VSNL1: variants seen among roughly 807,000 people sequenced by gnomAD.
The protein encoded by VSNL1 is visinin-like protein 1.
In VSNL1, 6 loss-of-function variants were observed where a neutral mutation model predicts 20.4. The observed-to-expected ratio is 0.29, with a 90% CI of 0.16 to 0.58. VSNL1 has a LOEUF of 0.58. Ranked by LOEUF, VSNL1 falls within the 20% of genes least tolerant of loss-of-function variation. The probability of loss-of-function intolerance (pLI) is 0.90; values close to 1 mark genes in which losing one functional copy is unlikely to be tolerated. For missense variants in VSNL1, 100 were observed against 234.5 expected (o/e 0.43, Z 3.75); for synonymous variants, 93 against 86.4 (o/e 1.08, Z -0.42).
chr2:17,619,307 G>C (rs997270636), intron 2 of VSNL1, among the ~76,000 whole-genome samples: 1 of 152,120 alleles, frequency 6.6e-6, no homozygotes, highest in African/African-American at 2.4e-5. Context: ...TGGAGGCCTG[G>C]GTATAGGTAG....
intron 2 of VSNL1, among the ~76,000 whole-genome samples, chr2:17,639,062 G>A (rs985245127): frequency 5.3e-5 from 8 of 152,114 alleles, no homozygotes; most frequent in South Asian, 2.1e-4. Context: ...CCAGATTCCC[G>A]CAGGGATCTA....
At chr2:17,574,105 C>G (rs1664145616) in intron 1 of VSNL1, among the ~76,000 whole-genome samples, 1 of 152,158 alleles carries the variant, frequency 6.6e-6, no homozygotes, top group Admixed American at 6.6e-5. Context: ...CCATTGACTT[C>G]AAGTTTCGAA....
intron 1 of VSNL1, among the ~76,000 whole-genome samples, chr2:17,589,877 G>T (rs1000335774): frequency 2.6e-5 from 4 of 152,166 alleles, no homozygotes; most frequent in African/African-American, 9.7e-5. Flanking sequence ...AAGGCAGCCA[G>T]GCTGGCAAAG....
chr2:17,544,938 T>A (rs1177580947), intron 1 of VSNL1, among the ~76,000 whole-genome samples: 1 of 152,196 alleles, frequency 6.6e-6, no homozygotes, highest in Non-Finnish European at 1.5e-5. Context: ...ACATATGAGC[T>A]GGACAAGATC....
At chr2:17,621,799 T>G (rs1266432327) in intron 2 of VSNL1, among the ~76,000 whole-genome samples, 2 of 152,130 alleles carry the variant, frequency 1.3e-5, no homozygotes, top group East Asian at 3.9e-4. Flanking sequence ...GGCTAATTTT[T>G]TTGTTGTTGT....
intron 1 of VSNL1, among the ~76,000 whole-genome samples, chr2:17,559,694 A>C (rs1190072417): frequency 6.6e-6 from 1 of 152,202 alleles, no homozygotes; most frequent in Non-Finnish European, 1.5e-5. Flanking sequence ...AAGAATTTTA[A>C]AGTAATTTAA....
intron 2 of VSNL1, among the ~76,000 whole-genome samples, chr2:17,631,370 A>G (rs1169884187): frequency 1.3e-5 from 2 of 152,238 alleles, no homozygotes; most frequent in African/African-American, 4.8e-5. Flanking sequence ...GATTTTTCCA[A>G]AGGATATAAA....
chr2:17,655,348 G>A lies in VSNL1; in HGVS notation c.530G>A (p.Ser177Asn). ...GATGAATTCAAAGAAGCTGCAAAGA[G>A]CGACCCTTCCATTGTATTACTTCTG... ...TLDEFKEAAK[S>N]DPSIVLLLQC... The change falls in exon 4 of 4, where the codon AGC (serine) becomes AAC (asparagine). Residue 177 changes from serine (S) to asparagine (N), a missense_variant. By Grantham distance (46) the Ser-to-Asn change is conservative. Coordinates refer to ENST00000295156, the MANE Select transcript of VSNL1 (RefSeq NM_003385.5). The surrounding 1 kb of genome is among the most constrained non-coding windows in gnomAD (Gnocchi z 5.2). 4 of 1,614,032 alleles carry A rather than the reference G, an allele frequency of 2.5e-6. No homozygotes were observed. The South Asian group carries it at 3.3e-5, about 13-fold the overall frequency.
chr2:17,576,792 A>G (rs1263085939), intron 1 of VSNL1, among the ~76,000 whole-genome samples: 6 of 152,156 alleles, frequency 3.9e-5, no homozygotes, highest in Non-Finnish European at 8.8e-5. Flanking sequence ...TCTTGACCTT[A>G]ATAATCAGGT....
intron 1 of VSNL1, among the ~76,000 whole-genome samples, chr2:17,589,162 TG>T (rs960217326): frequency 1.3e-5 from 2 of 151,746 alleles, no homozygotes; most frequent in South Asian, 2.1e-4. Context: ...GAGCAGAAAA[TG>T]GGGGGAAGTC....
At chr2:17,564,570 CTT>C (rs1210330079) in intron 1 of VSNL1, among the ~76,000 whole-genome samples, 2 of 151,710 alleles carry the variant, frequency 1.3e-5, no homozygotes, top group Admixed American at 6.6e-5. Context: ...CCCCTTCCAA[CTT>C]TGTTTTTTTT....
At chr2:17,587,384 C>G (rs924768500) in intron 1 of VSNL1, among the ~76,000 whole-genome samples, 170 of 151,220 alleles carry the variant, frequency 1.1e-3, no homozygotes, top group Non-Finnish European at 2.3e-3. Flanking sequence ...CACACACACA[C>G]ACACACACAC....
chr2:17,636,348 C>T (rs1665746548), intron 2 of VSNL1, among the ~76,000 whole-genome samples: 2 of 152,140 alleles, frequency 1.3e-5, no homozygotes, highest in African/African-American at 4.8e-5. Flanking sequence ...TGCTCAGAGG[C>T]TTATGGTTTT....
intron 1 of VSNL1, among the ~76,000 whole-genome samples, chr2:17,558,901 C>T (rs922743390): frequency 2.6e-5 from 4 of 152,006 alleles, no homozygotes; most frequent in African/African-American, 9.7e-5. Flanking sequence ...GATAGATGAT[C>T]CCAGATAACA....
intron 2 of VSNL1, among the ~76,000 whole-genome samples, chr2:17,646,932 G>A (rs1263851462): frequency 6.6e-6 from 1 of 152,122 alleles, no homozygotes; most frequent in East Asian, 1.9e-4. Context: ...TAAGGAGCAT[G>A]TCCCTAGTTA....
Position 17,560,719 on chromosome 2 carries a change from A to G in VSNL1, c.-6+19801A>G, listed in dbSNP as rs114937608. On this transcript the variant is annotated intron_variant, in intron 1 of 3. Transcript: ENST00000295156. ...GTGGGAAATAAGCAATCAAGAAGCT[A>G]TAAAATAATAGGGATATTTGACTCC... 3.7e-3 allele frequency among the ~76,000 whole-genome samples: 562 copies of G among 152,328 alleles called. 1 individual carries two copies. The highest frequency in any genetic ancestry group is 0.014 in the Middle Eastern group (4 of 294).
At chr2:17,548,489 T>C (rs917901810) in intron 1 of VSNL1, among the ~76,000 whole-genome samples, 14 of 152,184 alleles carry the variant, frequency 9.2e-5, no homozygotes, top group African/African-American at 2.9e-4. Context: ...CTAATTAATC[T>C]TTTGAGTTTA....
At chr2:17,568,076 ATCT>A (rs1663996158) in intron 1 of VSNL1, among the ~76,000 whole-genome samples, 1 of 152,020 alleles carries the variant, frequency 6.6e-6, no homozygotes, top group Non-Finnish European at 1.5e-5. Flanking sequence ...AATTCCATCT[ATCT>A]TCTTATATTA....
chr2:17,617,285 A>G (rs1178102310), intron 2 of VSNL1, among the ~76,000 whole-genome samples: 4 of 152,206 alleles, frequency 2.6e-5, no homozygotes, highest in Non-Finnish European at 5.9e-5. Context: ...CCCTGAGGTC[A>G]GGAGTTCAAG....
Sources: allele counts gnomAD v4.1 joint callset (sites outside exome capture counted in the v4.1 genomes callset), GRCh38; gene constraint gnomAD v4.1.1; non-coding constraint Gnocchi (gnomAD v3.1); transcripts MANE v1.5; gene names NCBI Gene and HGNC (gene_info 2026-07-23, HGNC 2026-07-21).